Variants in KL observed in about 807,000 individuals in gnomAD.
KL encodes the protein alpha-klotho.
In KL, 62 loss-of-function variants were observed where a neutral mutation model predicts 84.2. That is an observed-to-expected ratio of 0.74 (90% CI 0.60 to 0.91). KL has a LOEUF of 0.91. Ranked by LOEUF, KL falls within the 40% of genes least tolerant of loss-of-function variation. The pLI, the probability that KL is intolerant of heterozygous loss-of-function variation, is 0.00. For missense variants in KL, 1,261 were observed against 1,305.7 expected (o/e 0.97, Z 0.53); for synonymous variants, 528 against 528.0 (o/e 1.00, Z 0.00).
Position 33,054,186 on chromosome 13 carries a change from G to A in KL, c.1239G>A (p.Val413=). ...LEFNHPQIFI[V]ENGWFVSGTT... ...TTAACCATCCTCAAATATTTATTGT[G>A]GAAAATGGCTGGTTTGTCTCAGGGA... The change falls in exon 2 of 5, where the codon GTG becomes GTA. Residue 413 remains valine, a synonymous_variant. Coordinates refer to ENST00000380099, the MANE Select transcript of KL (RefSeq NM_004795.4). 2 of 1,613,680 alleles carry A rather than the reference G, an allele frequency of 1.2e-6. No homozygotes were observed. Among genetic ancestry groups the A allele is most frequent in the Non-Finnish European group, 1.7e-6 (2 of 1,179,976 alleles).
intron 3 of KL, among the ~76,000 whole-genome samples, chr13:33,056,058 C>A (rs1871945810): frequency 6.6e-6 from 1 of 152,068 alleles, no homozygotes; most frequent in Non-Finnish European, 1.5e-5. Context: ...AGAGGGTATA[C>A]TGAGATGAGT....
Position 33,054,138 on chromosome 13 carries a change from G to T in KL, c.1191G>T (p.Leu397=). Residue 397 remains leucine, a synonymous_variant, in exon 2 of 5, where the codon CTG becomes CTT. Coordinates refer to ENST00000380099, the MANE Select transcript of KL (RefSeq NM_004795.4). ...TGGAATCTCCCAACCTGAGGCAACT[G>T]CTTTCCTGGATTGACCTTGAATTTA... ...RQLESPNLRQ[L]LSWIDLEFNH... The T allele has an allele frequency of 2.5e-6, 4 of 1,613,954 alleles. No individual in the cohort carries two copies. The South Asian group carries it at 4.4e-5, about 18-fold the overall frequency.
chr13:33,029,036 G>A (rs1870877425), intron 1 of KL, among the ~76,000 whole-genome samples: 1 of 152,056 alleles, frequency 6.6e-6, no homozygotes, highest in African/African-American at 2.4e-5. Context: ...TGTAGGACAG[G>A]GAACTGTGAT....
At chr13:33,047,492 A>G (rs1454800922) in intron 1 of KL, among the ~76,000 whole-genome samples, 2 of 151,884 alleles carry the variant, frequency 1.3e-5, no homozygotes, top group Non-Finnish European at 2.9e-5. Context: ...AGCTGGGATT[A>G]CAGGCACCTG....
At position 33,055,090 on chromosome 13, in the gene KL, G is replaced by C. The variant is rs762838530; in HGVS notation, c.1374G>C (p.Trp458Cys). The C allele has an allele frequency of 2.5e-6, 4 of 1,614,078 alleles. No homozygotes were observed. The highest frequency in any genetic ancestry group is 3.4e-6 in the Non-Finnish European group (4 of 1,180,052). Reference protein sequence around the residue: ...DGVDVIGYTAWSLMDGFEWHR... With the variant: ...DGVDVIGYTACSLMDGFEWHR... ...TGGATGTCATCGGGTATACCGCATGGTCCCTCATGGATGGTTTCGAGTGGC... is the reference window on the plus strand; with the variant it reads ...TGGATGTCATCGGGTATACCGCATGCTCCCTCATGGATGGTTTCGAGTGGC... Residue 458 changes from tryptophan (W) to cysteine (C), a missense_variant, in exon 3 of 5, where the codon TGG becomes TGC. Transcript: ENST00000380099.
chr13:33,035,671 AC>A (rs1282483738), intron 1 of KL, among the ~76,000 whole-genome samples: 1 of 152,190 alleles, frequency 6.6e-6, no homozygotes, highest in Non-Finnish European at 1.5e-5. Flanking sequence ...AAACAGAGAT[AC>A]AAAAACCAGG....
At chr13:33,055,494 C>A in intron 3 of KL, 179 bp downstream of exon 3, 2 of 690,868 alleles carry the variant, frequency 2.9e-6, no homozygotes, top group Non-Finnish European at 5.1e-6. Context: ...AAAACTCTTC[C>A]AATCTTCATC....
At position 33,061,484 on chromosome 13, in the gene KL, A is replaced by G; in HGVS notation, c.2405A>G (p.Asp802Gly). The change falls in exon 4 of 5, where the codon GAC becomes GGC. Residue 802 changes from aspartate to glycine, a missense_variant. Transcript: ENST00000380099. ...DEKKLIQGTF[D>G]FLALSHYTTI... is the part of the protein sequence containing the mutation. ...AAAAAGCTAATCCAGGGTACCTTTGACTTTTTGGCTTTAAGCCATTATACC... is the reference window on the plus strand; with the variant it reads ...AAAAAGCTAATCCAGGGTACCTTTGGCTTTTTGGCTTTAAGCCATTATACC... 6.2e-7 allele frequency: 1 copy of G among 1,614,172 alleles called. No individual in the cohort carries two copies. The highest frequency in any genetic ancestry group is 8.5e-7 in the Non-Finnish European group (1 of 1,180,024).
Position 33,063,964 on chromosome 13 carries a change from A to T in KL, c.2817A>T (p.Ala939=). Residue 939 remains alanine (A), a synonymous_variant, in exon 5 of 5, where the codon GCA becomes GCT. Coordinates refer to ENST00000380099, the MANE Select transcript of KL (RefSeq NM_004795.4). The part of the protein sequence containing the change: ...RYAADQFEPK[A]SMKHYRKIID... ...CTGCAGATCAGTTTGAGCCCAAGGCATCCATGAAACATTACAGGAAAATTA... is the reference window on the plus strand; with the variant it reads ...CTGCAGATCAGTTTGAGCCCAAGGCTTCCATGAAACATTACAGGAAAATTA... The T allele has an allele frequency of 6.2e-7, 1 of 1,614,204 alleles. No homozygotes were observed.
Position 33,061,579 on chromosome 13 carries a change from A to T in KL, c.2500A>T (p.Thr834Ser). 1 of 1,614,226 alleles carries T rather than the reference A, an allele frequency of 6.2e-7. No homozygotes were observed. Among genetic ancestry groups the T allele is most frequent in the Non-Finnish European group, 8.5e-7 (1 of 1,180,042 alleles). Residue 834 changes from threonine (T) to serine (S), a missense_variant, in exon 4 of 5, where the codon ACC becomes TCC. Physicochemically the swap from Thr to Ser is moderately conservative, Grantham distance 58. Coordinates refer to ENST00000380099, the MANE Select transcript of KL (RefSeq NM_004795.4). ...TGATTACCTAGAAGTGCAAGAAATG[A>T]CCGACATCACGTGGCTCAACTCCCC... ...YNDYLEVQEM[T>S]DITWLNSPSQ...
intron 1 of KL, among the ~76,000 whole-genome samples, chr13:33,045,347 G>A (rs558642117): frequency 1.1e-4 from 17 of 152,256 alleles, no homozygotes; most frequent in African/African-American, 4.1e-4. Context: ...CTTCCTAATT[G>A]CTCTGGCAAG....
At position 33,033,943 on chromosome 13, in the gene KL, T is replaced by A. The variant is rs188197209; in HGVS notation, c.819+16684T>A. Among the ~76,000 whole-genome samples, 361 of 152,012 alleles carry A rather than the reference T, an allele frequency of 2.4e-3. 1 individual carries two copies. Among genetic ancestry groups the A allele is most frequent in the Admixed American group, 4.5e-3 (69 of 15,280 alleles). On this transcript the variant is annotated intron_variant, in intron 1 of 4. Coordinates refer to ENST00000380099, the MANE Select transcript of KL (RefSeq NM_004795.4). The stretch of plus-strand genomic sequence containing the variant: ...CCTCTAGTATAAAAGCATTTTTTTT[T>A]AAAAAAGATGAACACACACCCTCAG...
At chr13:33,031,549 C>G (rs779955478) in intron 1 of KL, among the ~76,000 whole-genome samples, 1 of 151,986 alleles carries the variant, frequency 6.6e-6, no homozygotes, top group Non-Finnish European at 1.5e-5. Context: ...CTATTTGGCT[C>G]TAAAATGAAC....
intron 1 of KL, among the ~76,000 whole-genome samples, chr13:33,033,871 C>A (rs1025310394): frequency 6.6e-6 from 1 of 151,868 alleles, no homozygotes; most frequent in Non-Finnish European, 1.5e-5. Flanking sequence ...ATAGAAGAAC[C>A]AATAAGATCA....
At position 33,061,080 on chromosome 13, in the gene KL, A is replaced by G. The variant is rs763624917; in HGVS notation, c.2001A>G (p.Ala667=). The change falls in exon 4 of 5, where the codon GCA becomes GCG. Residue 667 remains alanine (A), a synonymous_variant. Coordinates refer to ENST00000380099, the MANE Select transcript of KL (RefSeq NM_004795.4). ...ACCCCTACACTGCCCTGGCCTTTGC[A>G]GAGTATGCCCGACTGTGCTTTCAAG... ...WENPYTALAF[A]EYARLCFQEL... The G allele has an allele frequency of 1.8e-5, 29 of 1,613,162 alleles. 1 individual carries two copies. The South Asian group carries it at 2.5e-4, about 14-fold the overall frequency.
At chr13:33,060,541 T>C in intron 3 of KL, 138 bp from the exon 4 acceptor site, 1 of 943,820 alleles carries the variant, frequency 1.1e-6, no homozygotes, top group Non-Finnish European at 1.7e-6. Flanking sequence ...TGACAATTTA[T>C]GAAAAATAGT....
At position 33,064,148 on chromosome 13, in the gene KL, T is replaced by G; in HGVS notation, c.3001T>G (p.Phe1001Val). The G allele has an allele frequency of 6.2e-7, 1 of 1,611,658 alleles. No individual in the cohort carries two copies. The highest frequency in any genetic ancestry group is 1.1e-5 in the South Asian group (1 of 90,596). The change falls in exon 5 of 5, where the codon TTT becomes GTT. Residue 1001 changes from phenylalanine (F) to valine (V), a missense_variant. Coordinates refer to ENST00000380099, the MANE Select transcript of KL (RefSeq NM_004795.4). ...TTCTATTATTTCTCTCTCCCTTATA[T>G]TTTACTACTCGAAGAAAGGCAGAAG... ...FASIISLSLI[F>V]YYSKKGRRSY... is the part of the protein sequence containing the mutation.
chr13:33,052,836 A>C (rs187810538), intron 1 of KL, among the ~76,000 whole-genome samples: 6 of 152,350 alleles, frequency 3.9e-5, no homozygotes, highest in Middle Eastern at 6.8e-3. Flanking sequence ...CTGATAAACA[A>C]CACTTGTATT....
chr13:33,049,973 A>T (rs530624182), intron 1 of KL, among the ~76,000 whole-genome samples: 2 of 152,126 alleles, frequency 1.3e-5, no homozygotes, highest in African/African-American at 4.8e-5. Context: ...GTGCTACTAA[A>T]CTCTACTTGC....
Sources: gnomAD v4.1 joint callset for allele counts (sites outside exome capture counted in the v4.1 genomes callset) on GRCh38, gnomAD v4.1.1 for gene constraint, MANE v1.5 for transcripts, NCBI Gene and HGNC (gene_info 2026-07-23, HGNC 2026-07-21) for gene names.